The following SORCS1 variants were observed in gnomAD, a reference collection of about 807,000 sequenced individuals.
SORCS1 encodes the protein VPS10 domain-containing receptor SorCS1.
SORCS1 carries 60 observed loss-of-function variants against 146.1 expected under a neutral mutation model. The observed-to-expected ratio is 0.41, with a 90% confidence interval of 0.33 to 0.51. The LOEUF (loss-of-function observed/expected upper bound fraction) is 0.51, where lower values mean the gene tolerates loss of function less well. Among genes scored for constraint, SORCS1 ranks in the 20% least tolerant of loss-of-function variants. SORCS1 has a pLI of 0.21. For missense variants in SORCS1, 1,352 were observed against 1,487.6 expected, an observed-to-expected ratio of 0.91 and a Z score of 1.50; for synonymous variants, 637 against 584.0, an observed-to-expected ratio of 1.09 and a Z score of -1.31.
chr10:106,848,065 A>G (rs1949381722), intron 2 of SORCS1, among the ~76,000 whole-genome samples: 1 of 108,912 alleles, frequency 9.2e-6, no homozygotes, highest in Admixed American at 9.8e-5. Flanking sequence ...TATTCTGTTG[A>G]TTTGGGGTGG....
chr10:106,677,430 A>G (rs778348492), intron 12 of SORCS1, 26 bp from the exon 13 acceptor site: 1 of 1,581,492 alleles, frequency 6.3e-7, no homozygotes, highest in East Asian at 2.2e-5. Flanking sequence ...ACATACATGG[A>G]CACACATCCA....
intron 2 of SORCS1, among the ~76,000 whole-genome samples, chr10:106,932,231 T>A (rs1953457149): frequency 6.6e-6 from 1 of 152,220 alleles, no homozygotes; most frequent in Non-Finnish European, 1.5e-5. Flanking sequence ...TTTTGAGAAT[T>A]ACATGATTTT....
intron 4 of SORCS1, among the ~76,000 whole-genome samples, chr10:106,768,248 A>C (rs111764865): frequency 5.3e-5 from 8 of 152,338 alleles, no homozygotes; most frequent in African/African-American, 1.9e-4. Context: ...TAGAAATCAG[A>C]TCTGACACTG....
chr10:107,153,423 T>C (rs1021180244), intron 1 of SORCS1, among the ~76,000 whole-genome samples: 2 of 152,112 alleles, frequency 1.3e-5, no homozygotes, highest in Non-Finnish European at 2.9e-5. Flanking sequence ...AAGACAGAGA[T>C]TGAGATTTAA....
At chr10:106,735,993 A>G (rs2756241) in intron 5 of SORCS1, among the ~76,000 whole-genome samples, 118,561 of 152,068 alleles carry the variant, frequency 0.78, 47,154 homozygotes, top group Non-Finnish European at 0.87. Context: ...TTCACATTTA[A>G]GAGCTATTTT....
chr10:107,034,741 G>A (rs1045550620), intron 1 of SORCS1, among the ~76,000 whole-genome samples: 1 of 125,280 alleles, frequency 8.0e-6, no homozygotes, highest in Non-Finnish European at 1.7e-5. Flanking sequence ...CCTCTCTGCA[G>A]CTCCATCTAA....
intron 23 of SORCS1, among the ~76,000 whole-genome samples, 185 bp downstream of exon 23, chr10:106,606,981 C>T (rs1846643708): frequency 6.6e-6 from 1 of 152,188 alleles, no homozygotes; most frequent in African/African-American, 2.4e-5. Flanking sequence ...ATTACCCAGT[C>T]TTGGGTATGT....
At chr10:106,812,204 G>A (rs183360347) in intron 3 of SORCS1, among the ~76,000 whole-genome samples, 4 of 152,226 alleles carry the variant, frequency 2.6e-5, no homozygotes, top group Non-Finnish European at 4.4e-5. Flanking sequence ...GTTTCACTGT[G>A]TTAGCCAGGA....
intron 2 of SORCS1, among the ~76,000 whole-genome samples, chr10:106,934,016 C>T: frequency 6.6e-6 from 1 of 151,038 alleles, no homozygotes. Context: ...ATCACTTGAA[C>T]CCAGGAGGCG....
chr10:107,021,713 A>G (rs1001376991), intron 1 of SORCS1, among the ~76,000 whole-genome samples: 2 of 152,004 alleles, frequency 1.3e-5, no homozygotes, highest in South Asian at 2.1e-4. Flanking sequence ...GTTATAGGCA[A>G]TTGATAAAGT....
chr10:106,827,599 T>C (rs1268083979), intron 3 of SORCS1, among the ~76,000 whole-genome samples: 2 of 152,182 alleles, frequency 1.3e-5, no homozygotes, highest in Non-Finnish European at 2.9e-5. Flanking sequence ...TTAAGAGAGA[T>C]TGTAAAAATC....
At chr10:107,150,657 A>T (rs1968714858) in intron 1 of SORCS1, among the ~76,000 whole-genome samples, 1 of 152,226 alleles carries the variant, frequency 6.6e-6, no homozygotes, top group African/African-American at 2.4e-5. Flanking sequence ...ATTGTAGTTC[A>T]CATAATCCCC....
At chr10:107,042,387 T>G (rs1959174606) in intron 1 of SORCS1, among the ~76,000 whole-genome samples, 1 of 152,234 alleles carries the variant, frequency 6.6e-6, no homozygotes. Context: ...CATCTAGATT[T>G]ATAAAGAGCT....
At chr10:106,625,760 T>C (rs1289247968) in intron 19 of SORCS1, among the ~76,000 whole-genome samples, 1 of 152,198 alleles carries the variant, frequency 6.6e-6, no homozygotes, top group Non-Finnish European at 1.5e-5. Flanking sequence ...ATCCACCTTA[T>C]CTTTTTTTTG....
chr10:106,794,105 T>A (rs973209582), intron 3 of SORCS1, among the ~76,000 whole-genome samples: 13 of 152,192 alleles, frequency 8.5e-5, no homozygotes, highest in Admixed American at 6.5e-5. Context: ...GCACCCGAGT[T>A]CTATTTGATG....
intron 17 of SORCS1, among the ~76,000 whole-genome samples, chr10:106,665,684 G>T (rs77409399): frequency 0.016 from 2,445 of 151,928 alleles, 61 homozygotes; most frequent in South Asian, 0.047. Context: ...TAAAAAATAA[G>T]ACTTATTTTT....
At chr10:107,006,794 G>A (rs1175035471) in intron 1 of SORCS1, among the ~76,000 whole-genome samples, 1 of 152,234 alleles carries the variant, frequency 6.6e-6, no homozygotes, top group East Asian at 1.9e-4. Context: ...TCCAGCCTGG[G>A]TGACAGAGCG....
chr10:106,614,357 T>C (rs1389154910), intron 21 of SORCS1, among the ~76,000 whole-genome samples: 1 of 152,214 alleles, frequency 6.6e-6, no homozygotes, highest in Admixed American at 6.5e-5. Context: ...CTTGTACATT[T>C]CCTAACAATG....
rs370798186 is a variant in SORCS1 at position 106,786,742 on chromosome 10, A to G, written c.727-10050T>C. Among the ~76,000 whole-genome samples, 14 of 152,294 alleles carry G rather than the reference A, an allele frequency of 9.2e-5. No homozygotes were observed. The South Asian group carries it at 1.7e-3, about 18-fold the overall frequency. ...TAAGTAACCACAACTATCTTCTGTA[A>G]AACTTGTCACATAATTTTTAAAAAT... On this transcript the variant is annotated intron_variant, in intron 3 of 25. Transcript: ENST00000263054.
Sources: gnomAD v4.1 joint callset for allele counts (sites outside exome capture counted in the v4.1 genomes callset) on GRCh38, gnomAD v4.1.1 for gene constraint, MANE v1.5 for transcripts, NCBI Gene and HGNC (gene_info 2026-07-23, HGNC 2026-07-21) for gene names.